HPN: variants seen among roughly 807,000 people sequenced by gnomAD.
HPN encodes serine protease hepsin.
HPN carries 13 observed loss-of-function variants against 55.9 expected under a neutral mutation model. The observed-to-expected ratio is 0.23, with a 90% CI of 0.15 to 0.37. The LOEUF (loss-of-function observed/expected upper bound fraction) is 0.37, where lower values mean the gene tolerates loss of function less well. Ranked by LOEUF, HPN falls within the 10% of genes least tolerant of loss-of-function variation. The pLI is 1.00. For missense variants in HPN, 451 were observed against 575.8 expected, an observed-to-expected ratio of 0.78 and a Z score of 2.22; for synonymous variants, 225 against 240.3, an observed-to-expected ratio of 0.94 and a Z score of 0.59.
intron 2 of HPN, among the ~76,000 whole-genome samples, chr19:35,047,044 G>A (rs1177458036): frequency 6.6e-6 from 1 of 152,120 alleles, no homozygotes; most frequent in African/African-American, 2.4e-5. Context: ...TAGCCAGGAT[G>A]GTCTCGATCT....
At chr19:35,048,009 A>T in intron 2 of HPN, among the ~76,000 whole-genome samples, 1 of 107,634 alleles carries the variant, frequency 9.3e-6, no homozygotes. Context: ...AAAAAGAAAA[A>T]GAAAGAGAGA....
chr19:35,046,888 G>A (rs2064347274), intron 2 of HPN, among the ~76,000 whole-genome samples: 1 of 151,970 alleles, frequency 6.6e-6, no homozygotes, highest in Non-Finnish European at 1.5e-5. Context: ...AAGTGCAGTG[G>A]CGCGATCTCG....
In HPN at chr19:35,065,288, G is replaced by T. The variant is rs1417725173; in HGVS notation, c.850G>T (p.Ala284Ser). ...TGTGTGCCTCCCAGCTGCCGGCCAG[G>T]CCCTGGTGGATGGCAAGATCTGTAC... is the stretch of plus-strand genomic sequence containing the variant. ...QPVCLPAAGQALVDGKICTVT... is the reference protein window; with the variant it reads ...QPVCLPAAGQSLVDGKICTVT... The change falls in exon 10 of 13, where the codon GCC (alanine) becomes TCC (serine). Residue 284 changes from alanine to serine, a missense_variant. Physicochemically the swap from Ala to Ser is moderately conservative, Grantham distance 99. Transcript: ENST00000672452. The T allele has an allele frequency of 1.9e-6, 3 of 1,614,054 alleles. No individual in the cohort carries two copies. The highest frequency in any genetic ancestry group is 1.7e-6 in the Non-Finnish European group (2 of 1,179,952).
intron 2 of HPN, among the ~76,000 whole-genome samples, chr19:35,044,666 G>A (rs2064324432): frequency 6.6e-6 from 1 of 152,096 alleles, no homozygotes; most frequent in Non-Finnish European, 1.5e-5. Flanking sequence ...TGAGAATTGG[G>A]GGAAACATAC....
chr19:35,044,923 G>C (rs1568354969), intron 2 of HPN, among the ~76,000 whole-genome samples: 1 of 152,022 alleles, frequency 6.6e-6, no homozygotes, highest in South Asian at 2.1e-4. Flanking sequence ...AAGGAAACGG[G>C]GGAAGGAGAG....
chr19:35,042,275 C>T (rs778790446), intron 1 of HPN, 178 bp from the exon 2 acceptor site: 7 of 1,367,684 alleles, frequency 5.1e-6, no homozygotes, highest in Non-Finnish European at 5.6e-6. Context: ...CCCCCCGCTG[C>T]TGGTCAGACA....
chr19:35,059,746 C>T lies in HPN; in HGVS notation c.234C>T (p.Ser78=). ...AAGGGACGTGGCGGCTGCTGTGCTC[C>T]TCGCGCTCCAACGCCAGGGTAGCCG... ...KTEGTWRLLC[S]SRSNARVAGL... Residue 78 remains serine (S), a synonymous_variant, in exon 5 of 13, where the codon TCC becomes TCT. Transcript: ENST00000672452. 1 of 1,592,634 alleles carries T rather than the reference C, an allele frequency of 6.3e-7. No individual in the cohort carries two copies. The highest frequency in any genetic ancestry group is 1.1e-5 in the South Asian group (1 of 87,774).
intron 4 of HPN, among the ~76,000 whole-genome samples, chr19:35,056,852 T>C (rs1385658026): frequency 1.3e-5 from 2 of 152,162 alleles, no homozygotes. Context: ...CTTTAGCATA[T>C]CCAAGGCTCT....
At position 35,065,657 on chromosome 19, in the gene HPN, C is replaced by T. The variant is rs953082804; in HGVS notation, c.1026C>T (p.Pro342=). ...CCAAGATGTTCTGTGCTGGCTACCC[C>T]GAGGGTGGCATTGATGCCTGCCAGG... ...IKPKMFCAGY[P]EGGIDACQGD... Residue 342 remains proline, a synonymous_variant, in exon 11 of 13, where the codon CCC becomes CCT. Transcript: ENST00000672452. 3.0e-5 allele frequency: 49 copies of T among 1,614,030 alleles called. No homozygotes were observed. Among genetic ancestry groups the T allele is most frequent in the Non-Finnish European group, 3.6e-5 (42 of 1,180,026 alleles).
chr19:35,056,030 G>T (rs1329773805), intron 4 of HPN, among the ~76,000 whole-genome samples: 1 of 152,082 alleles, frequency 6.6e-6, no homozygotes, highest in Non-Finnish European at 1.5e-5. Context: ...TGTTCCTGGA[G>T]CACTCCCCCC....
At chr19:35,061,672 T>G (rs1303910257) in intron 9 of HPN, among the ~76,000 whole-genome samples, 2 of 151,986 alleles carry the variant, frequency 1.3e-5, no homozygotes, top group African/African-American at 4.8e-5. Context: ...TAGAAATGAA[T>G]GAGGTACTGA....
chr19:35,061,711 G>A (rs972851151), intron 9 of HPN, among the ~76,000 whole-genome samples: 24 of 152,112 alleles, frequency 1.6e-4, no homozygotes, highest in Non-Finnish European at 3.4e-4. Flanking sequence ...TGAAACTTGA[G>A]AACAGTGCTG....
chr19:35,065,136 T>C (rs2064589313), intron 9 of HPN, 114 bp from the exon 10 acceptor site: 1 of 681,202 alleles, frequency 1.5e-6, no homozygotes, highest in South Asian at 2.0e-5. Context: ...GTGGTTTTTT[T>C]TTTAAAGAAC....
At chr19:35,041,652 G>T, upstream of HPN, 1 of 1,157,212 alleles carries the variant, frequency 8.6e-7, no homozygotes, top group Non-Finnish European at 1.1e-6. Flanking sequence ...GGCCTCCAGT[G>T]CTGCCAATCG....
chr19:35,048,673 C>G (rs995342912), intron 2 of HPN, among the ~76,000 whole-genome samples: 1 of 152,004 alleles, frequency 6.6e-6, no homozygotes, highest in Non-Finnish European at 1.5e-5. Flanking sequence ...GAAGGAAGAT[C>G]GCTTCAGCCC....
At chr19:35,041,688 T>TCCCCCCCCCCCCCCCCCCCCCCCCC, upstream of HPN, 4 of 638,114 alleles carry the variant, frequency 6.3e-6, no homozygotes, top group South Asian at 5.3e-5. Context: ...CCCCGCCCCT[T>TCCCCCCCCCCCCCCCCCCCCCCCCC]CACCCGCCCC....
rs536269079 is a variant in HPN, at chr19:35,042,100, A to G, written c.-55+228A>G. ...CCCAGACCCAGGAGTTCCAGCCCTC[A>G]GGCCCCTCCTCCCTCATACTAGGGA... is the stretch of plus-strand genomic sequence containing the variant. On this transcript the variant is annotated intron_variant, in intron 1 of 12. Transcript: ENST00000672452. The G allele has an allele frequency of 5.4e-6, 6 of 1,111,854 alleles. No individual in the cohort carries two copies. The African/African-American group carries it at 1.0e-4, about 19-fold the overall frequency. The allele number at this position is 1,111,854 out of a possible 1,614,324, so 68.9% of individuals were successfully genotyped here.
At chr19:35,040,673 G>C (rs2064284255), upstream of HPN, 1 of 153,242 alleles carries the variant, frequency 6.5e-6, no homozygotes, top group Non-Finnish European at 1.5e-5. Flanking sequence ...GCTGATGCTG[G>C]GGTGCAGGGG....
intron 9 of HPN, among the ~76,000 whole-genome samples, chr19:35,061,462 C>T (rs940065121): frequency 3.5e-4 from 53 of 152,102 alleles, no homozygotes; most frequent in African/African-American, 1.3e-3. Flanking sequence ...GGCGTGGTGG[C>T]ACACGCCTGT....
Sources: allele counts gnomAD v4.1 joint callset (sites outside exome capture counted in the v4.1 genomes callset), GRCh38; gene constraint gnomAD v4.1.1; transcripts MANE v1.5; gene names NCBI Gene and HGNC (gene_info 2026-07-23, HGNC 2026-07-21).